The following RFC2 variants were observed in gnomAD, a reference collection of about 807,000 sequenced individuals.
RFC2 encodes the protein replication factor C subunit 2, also known as A1 40 kDa subunit.
A neutral mutation model predicts 44.8 loss-of-function variants in RFC2; 34 were observed. The observed-to-expected ratio is 0.76, with a 90% CI of 0.58 to 1.01. RFC2 has a LOEUF of 1.01. RFC2 is among the 50% of genes least tolerant of loss of function. The probability of loss-of-function intolerance (pLI) is 0.00; values close to 1 mark genes in which losing one functional copy is unlikely to be tolerated. For missense variants in RFC2, 400 were observed against 453.6 expected (o/e 0.88, Z 1.07); for synonymous variants, 177 against 168.9 (o/e 1.05, Z -0.37).
At position 74,237,298 on chromosome 7, in the gene RFC2, T is replaced by C. The variant is rs1803075239; in HGVS notation, c.840+64A>G. 3 of 1,114,628 alleles carry C rather than the reference T, an allele frequency of 2.7e-6. No homozygotes were observed. In the East Asian group the frequency reaches 7.5e-5, roughly 28 times the overall value. 69.0% of individuals were successfully genotyped at this position (1,114,628 alleles called of 1,614,324 possible). ...ATAATGTCCCTGGTACCAGAAGGGCTCCCGCTCTCCTCTGCCCAAGAAGTG... is the reference window on the plus strand; with the variant it reads ...ATAATGTCCCTGGTACCAGAAGGGCCCCCGCTCTCCTCTGCCCAAGAAGTG... On this transcript the variant is annotated intron_variant, in intron 9 of 10. Coordinates refer to ENST00000055077, the MANE Select transcript of RFC2 (RefSeq NM_181471.3).
intron 4 of RFC2, among the ~76,000 whole-genome samples, chr7:74,246,975 C>CTT (rs539672967): frequency 0.077 from 10,438 of 135,002 alleles, 421 homozygotes; most frequent in African/African-American, 0.098. Context: ...AAAATATACA[C>CTT]TTTTTTTTTT....
At chr7:74,245,012 T>C (rs542499507) in intron 5 of RFC2, among the ~76,000 whole-genome samples, 2 of 151,892 alleles carry the variant, frequency 1.3e-5, no homozygotes, top group Non-Finnish European at 2.9e-5. Context: ...CTATATTCTT[T>C]TCTTAATGTC....
chr7:74,241,566 G>C (rs1203798334), intron 6 of RFC2, among the ~76,000 whole-genome samples: 5 of 152,184 alleles, frequency 3.3e-5, no homozygotes, highest in Non-Finnish European at 7.3e-5. Context: ...TCATATGGTT[G>C]GGGTTCAGCA....
At chr7:74,241,266 A>G (rs1803315519) in intron 6 of RFC2, among the ~76,000 whole-genome samples, 2 of 152,258 alleles carry the variant, frequency 1.3e-5, no homozygotes, top group South Asian at 2.1e-4. Context: ...TCTCCATTTC[A>G]TTGCTGGCAT....
At chr7:74,241,050 C>T (rs1803305756) in intron 6 of RFC2, among the ~76,000 whole-genome samples, 1 of 152,144 alleles carries the variant, frequency 6.6e-6, no homozygotes, top group African/African-American at 2.4e-5. Context: ...CCTGTCTCAG[C>T]CTCCTGAGTA....
At chr7:74,242,468 A>G (rs1563992256) in intron 6 of RFC2, among the ~76,000 whole-genome samples, 1 of 152,194 alleles carries the variant, frequency 6.6e-6, no homozygotes, top group Non-Finnish European at 1.5e-5. Context: ...AGGATTATGT[A>G]AGATTAAATT....
intron 10 of RFC2, among the ~76,000 whole-genome samples, chr7:74,234,775 A>G (rs1802913328): frequency 2.0e-5 from 3 of 152,062 alleles, no homozygotes; most frequent in Non-Finnish European, 4.4e-5. Context: ...CTGCATGCAC[A>G]GGCTCCCACT....
At chr7:74,246,317 T>C (rs1803604361) in intron 5 of RFC2, among the ~76,000 whole-genome samples, 1 of 151,156 alleles carries the variant, frequency 6.6e-6, no homozygotes, top group South Asian at 2.1e-4. Context: ...GGGAACCGCC[T>C]GAACCCGGGA....
At chr7:74,247,274 A>T (rs1282921187) in intron 4 of RFC2, among the ~76,000 whole-genome samples, 1 of 152,158 alleles carries the variant, frequency 6.6e-6, no homozygotes, top group African/African-American at 2.4e-5. Flanking sequence ...AAAATTTTTC[A>T]TTCTCTACCC....
intron 6 of RFC2, among the ~76,000 whole-genome samples, chr7:74,240,800 C>T (rs1803294807): frequency 6.6e-6 from 1 of 151,768 alleles, no homozygotes; most frequent in Admixed American, 6.6e-5. Context: ...CAGTTTCTTT[C>T]TTTTTTTTTC....
chr7:74,248,867 G>C, intron 4 of RFC2, 145 bp downstream of exon 4: 1 of 632,634 alleles, frequency 1.6e-6, no homozygotes, highest in Non-Finnish European at 2.8e-6. Flanking sequence ...TGACAAGTGA[G>C]CAACGCTCTT....
At chr7:74,253,719 TA>T (rs879955479) in intron 1 of RFC2, 536 of 147,444 alleles carry the variant, frequency 3.6e-3, no homozygotes, top group South Asian at 0.014. Context: ...TGACTCCATC[TA>T]AAAAAAAAAA....
intron 4 of RFC2, among the ~76,000 whole-genome samples, chr7:74,247,003 T>A (rs1450113890): frequency 6.9e-6 from 1 of 145,526 alleles, no homozygotes; most frequent in East Asian, 2.0e-4. Flanking sequence ...TCAGACAGGG[T>A]CTCGCTGTGT....
chr7:74,244,774 C>T (rs1346441444), intron 5 of RFC2, among the ~76,000 whole-genome samples: 1 of 151,608 alleles, frequency 6.6e-6, no homozygotes, highest in African/African-American at 2.4e-5. Context: ...TTGAGACCAG[C>T]CTGGGTAACA....
intron 6 of RFC2, among the ~76,000 whole-genome samples, chr7:74,241,687 T>C (rs1490143271): frequency 6.6e-6 from 1 of 152,096 alleles, no homozygotes; most frequent in Admixed American, 6.6e-5. Flanking sequence ...GGGCCAGCCG[T>C]GGTGGCTCAC....
rs1554720551 is a variant in RFC2 at position 74,249,022 on chromosome 7, A to C, written c.322T>G (p.Ser108Ala). 3 of 1,612,518 alleles carry C rather than the reference A, an allele frequency of 1.9e-6. No individual in the cohort carries two copies. The highest frequency in any genetic ancestry group is 2.5e-6 in the Non-Finnish European group (3 of 1,178,764). ...GACTCTAAGACCTACCTGTCATTTG[A>C]AGCATTGAGTTCCAACATGGCATCT... ...LKDAMLELNA[S>A]NDRGIDVVRN... is the part of the protein sequence containing the mutation. The change falls in exon 4 of 11, where the codon TCA (serine) becomes GCA (alanine). Residue 108 changes from serine to alanine, a missense_variant. Ser to Ala is a moderately conservative substitution (Grantham distance 99, BLOSUM62 1). Transcript: ENST00000055077.
At chr7:74,246,863 A>T (rs1803642022) in intron 4 of RFC2, 100 bp from the exon 5 acceptor site, 3 of 621,286 alleles carry the variant, frequency 4.8e-6, no homozygotes. Flanking sequence ...TGTGAGGCCC[A>T]ATTTCCATTT....
At chr7:74,247,419 G>C (rs1554720258) in intron 4 of RFC2, among the ~76,000 whole-genome samples, 1 of 152,120 alleles carries the variant, frequency 6.6e-6, no homozygotes, top group East Asian at 1.9e-4. Flanking sequence ...AAGGTGGGCG[G>C]ACCACTCCAG....
chr7:74,245,979 G>C (rs1478262410), intron 5 of RFC2, among the ~76,000 whole-genome samples: 2 of 151,532 alleles, frequency 1.3e-5, no homozygotes, highest in African/African-American at 4.8e-5. Context: ...GGCGGATCAC[G>C]AGGTCAGGAG....
Sources: gnomAD v4.1 joint callset for allele counts (sites outside exome capture counted in the v4.1 genomes callset) on GRCh38, gnomAD v4.1.1 for gene constraint, MANE v1.5 for transcripts, NCBI Gene and HGNC (gene_info 2026-07-23, HGNC 2026-07-21) for gene names.